Variants in PDE4D observed in about 807,000 individuals in gnomAD.
PDE4D encodes phosphodiesterase 4D.
A neutral mutation model predicts 87.4 loss-of-function variants in PDE4D; 24 were observed. That is an observed-to-expected ratio of 0.27 (90% confidence interval 0.20 to 0.39). The LOEUF (loss-of-function observed/expected upper bound fraction) is 0.39. Ranked by LOEUF, PDE4D falls within the 10% of genes least tolerant of loss-of-function variation. PDE4D has a pLI of 1.00. For synonymous variants in PDE4D, 384 were observed against 383.2 expected, an observed-to-expected ratio of 1.00 and a Z score of -0.02; for missense variants, 714 against 1,041.0, an observed-to-expected ratio of 0.69 and a Z score of 4.32.
At chr5:59,261,804 G>T (rs1392930819) in intron 1 of PDE4D, among the ~76,000 whole-genome samples, 3 of 151,662 alleles carry the variant, frequency 2.0e-5, no homozygotes, top group African/African-American at 7.3e-5. Flanking sequence ...TAACTTGGCT[G>T]ACACAGCCTT....
At chr5:59,570,258 A>G (rs894065194) in intron 1 of PDE4D, among the ~76,000 whole-genome samples, 1 of 152,036 alleles carries the variant, frequency 6.6e-6, no homozygotes, top group African/African-American at 2.4e-5. Flanking sequence ...GGAAGAGAGT[A>G]CTCTTTAATC....
At chr5:59,641,054 A>C (rs1034819228) in intron 1 of PDE4D, among the ~76,000 whole-genome samples, 10 of 152,124 alleles carry the variant, frequency 6.6e-5, no homozygotes, top group Admixed American at 5.9e-4. Flanking sequence ...ACCTGGAAGC[A>C]CTTTTTTTAT....
At chr5:59,981,129 G>T (rs2152825139) in intron 3 of PDE4D, among the ~76,000 whole-genome samples, 1 of 152,246 alleles carries the variant, frequency 6.6e-6, no homozygotes, top group African/African-American at 2.4e-5. Flanking sequence ...GGACATGCCT[G>T]TCGTCTCAGC....
chr5:59,648,720 CAAAA>C (rs34222734), intron 1 of PDE4D, among the ~76,000 whole-genome samples: 1 of 140,670 alleles, frequency 7.1e-6, no homozygotes, highest in African/African-American at 2.7e-5. Flanking sequence ...CATCTAACCT[CAAAA>C]AAAAAAAAAA....
chr5:60,048,528 G>C (rs1769625937), intron 2 of PDE4D, among the ~76,000 whole-genome samples: 1 of 152,002 alleles, frequency 6.6e-6, no homozygotes, highest in African/African-American at 2.4e-5. Flanking sequence ...CATGTTTAGT[G>C]CTTCCTTCAG....
chr5:59,361,403 A>G (rs1782202668), intron 1 of PDE4D, among the ~76,000 whole-genome samples: 1 of 152,198 alleles, frequency 6.6e-6, no homozygotes, highest in Non-Finnish European at 1.5e-5. Context: ...TTCTGGTGTC[A>G]CTGATTGTCT....
At chr5:60,279,079 C>G (rs1027111812) in intron 1 of PDE4D, among the ~76,000 whole-genome samples, 2 of 152,182 alleles carry the variant, frequency 1.3e-5, no homozygotes, top group African/African-American at 2.4e-5. Flanking sequence ...GGTGGTACTG[C>G]CTCATGATTT....
chr5:59,766,058 T>C (rs1330451003), intron 1 of PDE4D, among the ~76,000 whole-genome samples: 1 of 152,224 alleles, frequency 6.6e-6, no homozygotes, highest in Middle Eastern at 3.2e-3. Flanking sequence ...TAGATACAAA[T>C]ATATTTATAT....
chr5:59,425,997 A>G (rs149280321), intron 1 of PDE4D, among the ~76,000 whole-genome samples: 2 of 152,290 alleles, frequency 1.3e-5, no homozygotes, highest in Admixed American at 1.3e-4. Flanking sequence ...AAATTTAAAT[A>G]AGCCTTTAGG....
intron 1 of PDE4D, among the ~76,000 whole-genome samples, chr5:60,505,290 C>A (rs536581280): frequency 6.6e-6 from 1 of 152,320 alleles, no homozygotes; most frequent in East Asian, 1.9e-4. Context: ...GAATCTTGTA[C>A]AATTTGCATG....
chr5:59,517,366 G>A (rs959076589), intron 1 of PDE4D, among the ~76,000 whole-genome samples: 54 of 152,082 alleles, frequency 3.6e-4, no homozygotes, highest in Admixed American at 1.3e-4. Flanking sequence ...TACTAATGCC[G>A]TCAAGAATGG....
chr5:60,237,024 T>C (rs1424046326), intron 1 of PDE4D, among the ~76,000 whole-genome samples: 1 of 151,834 alleles, frequency 6.6e-6, no homozygotes, highest in Non-Finnish European at 1.5e-5. Flanking sequence ...GAAATGCAAA[T>C]TAAGACTATG....
At chr5:58,976,642 G>A (rs1743870849) in intron 12 of PDE4D, among the ~76,000 whole-genome samples, 170 bp from the exon 13 acceptor site, 1 of 152,170 alleles carries the variant, frequency 6.6e-6, no homozygotes, top group African/African-American at 2.4e-5. Context: ...TTGCTATCAA[G>A]TTTTCCCAAA....
intron 1 of PDE4D, among the ~76,000 whole-genome samples, chr5:60,372,139 A>G (rs1035273820): frequency 5.4e-5 from 8 of 149,482 alleles, no homozygotes; most frequent in African/African-American, 2.0e-4. Flanking sequence ...CAGCATTGTC[A>G]GTCTTTTTTA....
chr5:59,768,643 T>C, intron 1 of PDE4D: 2 of 1,518,072 alleles, frequency 1.3e-6, no homozygotes, highest in Non-Finnish European at 1.8e-6. Flanking sequence ...CCTCAGTCTC[T>C]CTGTAGAGCC....
At chr5:59,205,276 AG>A (rs1289787802) in intron 2 of PDE4D, among the ~76,000 whole-genome samples, 1 of 152,106 alleles carries the variant, frequency 6.6e-6, no homozygotes, top group African/African-American at 2.4e-5. Context: ...TTTTCACTGA[AG>A]TGAAAATGTC....
At chr5:59,657,253 C>T (rs933985447) in intron 1 of PDE4D, among the ~76,000 whole-genome samples, 2 of 152,152 alleles carry the variant, frequency 1.3e-5, no homozygotes, top group African/African-American at 4.8e-5. Context: ...TAATTCTTTG[C>T]TATTTTAATT....
intron 1 of PDE4D, among the ~76,000 whole-genome samples, chr5:59,595,945 T>C (rs1826615119): frequency 6.6e-6 from 1 of 152,006 alleles, no homozygotes; most frequent in Non-Finnish European, 1.5e-5. Flanking sequence ...ACCATATATA[T>C]TGTCAATCTA....
At chr5:59,272,001 T>C (rs984016405) in intron 1 of PDE4D, among the ~76,000 whole-genome samples, 17 of 151,920 alleles carry the variant, frequency 1.1e-4, no homozygotes, top group South Asian at 4.2e-4. Flanking sequence ...AACCTAAGTA[T>C]TACATGTATA....
Sources: gnomAD v4.1 joint callset for allele counts (sites outside exome capture counted in the v4.1 genomes callset) on GRCh38, gnomAD v4.1.1 for gene constraint, MANE v1.5 for transcripts, NCBI Gene and HGNC (gene_info 2026-07-23, HGNC 2026-07-21) for gene names.